The following MAP3K20 variants were observed in gnomAD, a reference collection of about 807,000 sequenced individuals.
The protein encoded by MAP3K20 is mitogen-activated protein kinase kinase kinase 20.
A neutral mutation model predicts 85.7 loss-of-function variants in MAP3K20; 40 were observed. That is an observed-to-expected ratio of 0.47 (90% CI 0.36 to 0.61). MAP3K20 has a LOEUF of 0.61. MAP3K20 is among the 20% of genes least tolerant of loss of function. MAP3K20 has a pLI of 0.00. For synonymous variants in MAP3K20, 325 were observed against 327.7 expected, an observed-to-expected ratio of 0.99 and a Z score of 0.09; for missense variants, 817 against 961.7, an observed-to-expected ratio of 0.85 and a Z score of 1.99.
intron 11 of MAP3K20, chr2:173,223,832 T>C: frequency 1.0e-6 from 1 of 985,446 alleles, no homozygotes; most frequent in Non-Finnish European, 1.2e-6. Context: ...CTTGAGTCAA[T>C]GCACCCAAGA....
Position 173,165,873 on chromosome 2 carries a change from G to A in MAP3K20, c.160-3932G>A, listed in dbSNP as rs541440527. Among the ~76,000 whole-genome samples the A allele has an allele frequency of 5.3e-5, 8 of 152,252 alleles. No homozygotes were observed. In the South Asian group the frequency reaches 1.5e-3, roughly 28 times the overall value. The stretch of plus-strand genomic sequence containing the variant: ...TTTAGTAGAGACAAGGTCTCACTAT[G>A]TTGCCCAAGCTGATCTCAAACTCCT... On this transcript the variant is annotated intron_variant, in intron 2 of 19. Coordinates refer to ENST00000375213, the MANE Select transcript of MAP3K20 (RefSeq NM_016653.3).
intron 8 of MAP3K20, 88 bp from the exon 9 acceptor site, chr2:173,203,708 C>A: frequency 9.9e-7 from 1 of 1,014,072 alleles, no homozygotes; most frequent in Non-Finnish European, 1.5e-6. Context: ...TAAAATAACT[C>A]TATTATGACC....
intron 11 of MAP3K20, chr2:173,221,239 G>A: frequency 6.2e-7 from 1 of 1,613,840 alleles, no homozygotes; most frequent in Non-Finnish European, 8.5e-7. Context: ...TGTCATGTCA[G>A]ATCACAGCAA....
intron 2 of MAP3K20, among the ~76,000 whole-genome samples, chr2:173,149,909 G>A (rs144327304): frequency 5.6e-4 from 86 of 152,340 alleles, no homozygotes; most frequent in South Asian, 3.1e-3. Context: ...ATATTTTGGG[G>A]CCCATTTGAT....
At chr2:173,222,637 C>T (rs1221238992) in intron 11 of MAP3K20, 2 of 985,326 alleles carry the variant, frequency 2.0e-6, no homozygotes, top group Non-Finnish European at 2.4e-6. Flanking sequence ...AGCATATGCT[C>T]AGCTATTTTA....
intron 2 of MAP3K20, among the ~76,000 whole-genome samples, chr2:173,110,228 TATATATATA>T (rs1477265618): frequency 2.4e-3 from 27 of 11,192 alleles, no homozygotes; most frequent in African/African-American, 5.1e-3. Context: ...TATATATATA[TATATATATA>T]TATATTTTTT....
chr2:173,081,510 T>G (rs1687013751), intron 1 of MAP3K20, among the ~76,000 whole-genome samples: 1 of 149,716 alleles, frequency 6.7e-6, no homozygotes, highest in African/African-American at 2.4e-5. Flanking sequence ...GTAGTGCAAT[T>G]CCATTTTGCT....
At chr2:173,156,797 T>C (rs1689486308) in intron 2 of MAP3K20, among the ~76,000 whole-genome samples, 1 of 152,186 alleles carries the variant, frequency 6.6e-6, no homozygotes, top group African/African-American at 2.4e-5. Flanking sequence ...AGTAGAATGC[T>C]GGTGAAAGTT....
intron 14 of MAP3K20, among the ~76,000 whole-genome samples, chr2:173,235,736 A>T (rs914889750): frequency 1.3e-5 from 2 of 152,160 alleles, no homozygotes; most frequent in African/African-American, 2.4e-5. Context: ...TGGTATGTGA[A>T]TTTCACCTCA....
intron 8 of MAP3K20, among the ~76,000 whole-genome samples, chr2:173,199,767 G>A (rs1388535201): frequency 1.3e-5 from 2 of 150,662 alleles, no homozygotes; most frequent in Non-Finnish European, 2.9e-5. Context: ...AATATCTAAA[G>A]GGTGGCAGAA....
chr2:173,114,285 A>G (rs966233478), intron 2 of MAP3K20, among the ~76,000 whole-genome samples: 1 of 152,142 alleles, frequency 6.6e-6, no homozygotes, highest in Admixed American at 6.5e-5. Context: ...CTTATGGGCT[A>G]GGTGAGTCTC....
At chr2:173,102,269 C>G (rs1205920784) in intron 2 of MAP3K20, among the ~76,000 whole-genome samples, 1 of 152,188 alleles carries the variant, frequency 6.6e-6, no homozygotes, top group East Asian at 1.9e-4. Context: ...AAGAATACAG[C>G]TTGCCATTCC....
chr2:173,214,514 C>G (rs1480027468), intron 10 of MAP3K20: 2 of 152,152 alleles, frequency 1.3e-5, no homozygotes, highest in Admixed American at 6.6e-5. Flanking sequence ...AACCAGAGAT[C>G]AAAAATGTAA....
chr2:173,217,062 C>G (rs6710789), intron 10 of MAP3K20, 53 bp from the exon 11 acceptor site: 10 of 1,378,670 alleles, frequency 7.3e-6, no homozygotes, highest in East Asian at 2.7e-5. Context: ...ACCCACTAAG[C>G]GCTTGATGTC....
At chr2:173,164,798 G>C (rs559218992) in intron 2 of MAP3K20, among the ~76,000 whole-genome samples, 1 of 152,132 alleles carries the variant, frequency 6.6e-6, no homozygotes, top group Non-Finnish European at 1.5e-5. Flanking sequence ...TGAATCAGTC[G>C]TTTGGAACCT....
At chr2:173,262,155 T>G (rs922713496) in intron 18 of MAP3K20, among the ~76,000 whole-genome samples, 1 of 152,252 alleles carries the variant, frequency 6.6e-6, no homozygotes, top group African/African-American at 2.4e-5. Flanking sequence ...CCATGTTTTC[T>G]GACTATAAAA....
chr2:173,196,955 G>GT (rs11305049), intron 7 of MAP3K20, among the ~76,000 whole-genome samples: 16 of 149,616 alleles, frequency 1.1e-4, no homozygotes, highest in African/African-American at 1.7e-4. Context: ...CTTTGGGCAA[G>GT]TTTTTTTTTT....
chr2:173,222,578 T>G, intron 11 of MAP3K20: 1 of 985,336 alleles, frequency 1.0e-6, no homozygotes, highest in Non-Finnish European at 1.2e-6. Flanking sequence ...GCAAGTGGGG[T>G]ATGTGTGGTG....
chr2:173,108,145 A>AT (rs200645216), intron 2 of MAP3K20, among the ~76,000 whole-genome samples: 42,371 of 142,152 alleles, frequency 0.3, 7,325 homozygotes, highest in Non-Finnish European at 0.4. Flanking sequence ...TTTTTTTTTT[A>AT]TTTTTTTTTG....
Sources: allele counts gnomAD v4.1 joint callset (sites outside exome capture counted in the v4.1 genomes callset), GRCh38; gene constraint gnomAD v4.1.1; transcripts MANE v1.5; gene names NCBI Gene and HGNC (gene_info 2026-07-23, HGNC 2026-07-21).